Variants in CGNL1 observed in about 807,000 individuals in gnomAD.
CGNL1 encodes cingulin like 1.
Under a neutral mutation model 141.2 loss-of-function variants are expected in CGNL1, and 132 were observed. That is an observed-to-expected ratio of 0.93 (90% confidence interval 0.81 to 1.08). CGNL1 has a LOEUF of 1.08. Among genes scored for constraint, CGNL1 ranks in the 50% least tolerant of loss-of-function variants. The pLI is 0.00. For synonymous variants in CGNL1, 690 were observed against 622.1 expected (o/e 1.11, Z -1.63); for missense variants, 1,870 against 1,588.6 (o/e 1.18, Z -3.01).
At chr15:57,488,109 T>C (rs766210625) in intron 8 of CGNL1, among the ~76,000 whole-genome samples, 4 of 152,192 alleles carry the variant, frequency 2.6e-5, no homozygotes, top group Non-Finnish European at 5.9e-5. Flanking sequence ...GGGTGTGAAA[T>C]GGTATTTCAT....
At chr15:57,448,518 C>A (rs111868435) in intron 4 of CGNL1, among the ~76,000 whole-genome samples, 2 of 151,848 alleles carry the variant, frequency 1.3e-5, no homozygotes. Flanking sequence ...TGTGATGGTG[C>A]GCACCTGTAA....
At position 57,550,343 on chromosome 15, in the gene CGNL1, T is replaced by G. The variant is rs12439292; in HGVS notation, c.*2853T>G. On this transcript the variant is annotated 3_prime_UTR_variant, in exon 19 of 19. Transcript: ENST00000281282. ...TAGTGCCCACGGTCCTTTCCAGGTA[T>G]AACATGCTATCGTTCTTTAATTTTA... The G allele has an allele frequency of 0.17, 25,960 of 152,692 alleles. 2,367 individuals carry two copies. The highest frequency in any genetic ancestry group is 0.21 in the Admixed American group (3,170 of 15,302). 9.5% of individuals were successfully genotyped at this position (152,692 alleles called of 1,614,324 possible). A position where few individuals can be genotyped will look rare whatever the true frequency, so the allele number is the denominator to read the frequency against.
In CGNL1 at chr15:57,528,637, G is replaced by C. The variant is rs1240632318; in HGVS notation, c.3040-17G>C. 2 of 1,613,422 alleles carry C rather than the reference G, an allele frequency of 1.2e-6. No homozygotes were observed. Among genetic ancestry groups the C allele is most frequent in the East Asian group, 2.2e-5 (1 of 44,852 alleles). On this transcript the variant is annotated splice_polypyrimidine_tract_variant and intron_variant, in intron 12 of 18. Transcript: ENST00000281282. The stretch of plus-strand genomic sequence containing the variant: ...TGATGCACCCCAGAAAACCATCCCA[G>C]CTGTCTCTCCTCCTAGATGCGTCTG...
chr15:57,506,917 T>C (rs2064111466), intron 8 of CGNL1, among the ~76,000 whole-genome samples: 1 of 152,258 alleles, frequency 6.6e-6, no homozygotes, highest in Non-Finnish European at 1.5e-5. Flanking sequence ...TGTTTTCTTT[T>C]GTTTTTATTA....
At chr15:57,518,913 GC>G (rs1371420235) in intron 10 of CGNL1, among the ~76,000 whole-genome samples, 1 of 152,224 alleles carries the variant, frequency 6.6e-6, no homozygotes, top group Non-Finnish European at 1.5e-5. Context: ...GTGTGAGAAG[GC>G]CGGCAGGACT....
chr15:57,484,766 T>A (rs1405179015), intron 8 of CGNL1, among the ~76,000 whole-genome samples: 1 of 152,136 alleles, frequency 6.6e-6, no homozygotes, highest in African/African-American at 2.4e-5. Context: ...CCTCCCTGTG[T>A]TCTCATTGTT....
chr15:57,468,348 C>G (rs1051228616), intron 8 of CGNL1, among the ~76,000 whole-genome samples: 9 of 150,876 alleles, frequency 6.0e-5, no homozygotes, highest in African/African-American at 2.2e-4. Flanking sequence ...TCAAGCCATC[C>G]TCCCACCTCA....
chr15:57,540,159 AC>A (rs1301333030), intron 14 of CGNL1, among the ~76,000 whole-genome samples: 40 of 152,144 alleles, frequency 2.6e-4, no homozygotes, highest in African/African-American at 9.4e-4. Flanking sequence ...ACTCTGTGTT[AC>A]TGGTGGTCTG....
chr15:57,378,802 C>A (rs1191002045), intron 1 of CGNL1, among the ~76,000 whole-genome samples: 1 of 152,142 alleles, frequency 6.6e-6, no homozygotes, highest in Admixed American at 6.6e-5. Context: ...TTGAAAAATA[C>A]AAAAATGACA....
intron 8 of CGNL1, among the ~76,000 whole-genome samples, chr15:57,482,851 C>G (rs1330470063): frequency 1.3e-5 from 2 of 151,172 alleles, no homozygotes; most frequent in African/African-American, 4.9e-5. Context: ...ATGGCATGAT[C>G]TCTGCTCACT....
intron 1 of CGNL1, among the ~76,000 whole-genome samples, chr15:57,378,238 G>A (rs2062386023): frequency 6.6e-6 from 1 of 151,926 alleles, no homozygotes; most frequent in Admixed American, 6.6e-5. Flanking sequence ...ATAGTCTCCG[G>A]GGATCTTGGT....
chr15:57,388,660 T>C (rs189043490), intron 1 of CGNL1, among the ~76,000 whole-genome samples: 11 of 152,350 alleles, frequency 7.2e-5, no homozygotes, highest in Non-Finnish European at 1.3e-4. Context: ...CCTGGCAGCC[T>C]TGTGCAGTCC....
intron 8 of CGNL1, among the ~76,000 whole-genome samples, chr15:57,481,429 A>C (rs1433162876): frequency 1.3e-5 from 2 of 152,176 alleles, no homozygotes; most frequent in African/African-American, 4.8e-5. Context: ...TATAGATGGA[A>C]TCATACAGAA....
intron 1 of CGNL1, among the ~76,000 whole-genome samples, chr15:57,384,337 C>T (rs1050690289): frequency 5.3e-5 from 8 of 152,132 alleles, no homozygotes; most frequent in Non-Finnish European, 7.4e-5. Context: ...TGCCTCCAGC[C>T]CCATCCTAGA....
chr15:57,517,646 T>C (rs1009186920), intron 9 of CGNL1, among the ~76,000 whole-genome samples: 5 of 152,138 alleles, frequency 3.3e-5, no homozygotes, highest in Admixed American at 6.5e-5. Context: ...TCCTTCTGTG[T>C]TGAAGTGTGA....
intron 10 of CGNL1, among the ~76,000 whole-genome samples, chr15:57,520,291 T>C (rs2031161691): frequency 6.6e-6 from 1 of 152,242 alleles, no homozygotes; most frequent in Non-Finnish European, 1.5e-5. Flanking sequence ...CTCCTTTTGT[T>C]TGGTTACTCT....
At chr15:57,416,017 C>T (rs1181823161) in intron 1 of CGNL1, among the ~76,000 whole-genome samples, 5 of 152,072 alleles carry the variant, frequency 3.3e-5, no homozygotes, top group Non-Finnish European at 5.9e-5. Flanking sequence ...GAGACTGAAC[C>T]GCTGTCTCTG....
At position 57,451,596 on chromosome 15, in the gene CGNL1, G is replaced by C. The variant is rs780724057; in HGVS notation, c.1900G>C (p.Val634Leu). The change falls in exon 5 of 19, where the codon GTC becomes CTC. Residue 634 changes from valine (V) to leucine (L), a missense_variant. Physicochemically the swap from Val to Leu is conservative, Grantham distance 32. Coordinates refer to ENST00000281282, the MANE Select transcript of CGNL1 (RefSeq NM_032866.5). ...ACTTCAGAGACAGCTTCAACTGGAA[G>C]TCAAGGTATCTGGTTTTTCCTTTAT... ...AELQRQLQLEVKNQQNIKEER... is the reference protein window; with the variant it reads ...AELQRQLQLELKNQQNIKEER... 6.2e-7 allele frequency: 1 copy of C among 1,604,132 alleles called. No homozygotes were observed. The highest frequency in any genetic ancestry group is 8.5e-7 in the Non-Finnish European group (1 of 1,172,846).
chr15:57,540,049 G>C (rs186486612), intron 14 of CGNL1, among the ~76,000 whole-genome samples: 1 of 152,120 alleles, frequency 6.6e-6, no homozygotes, highest in Non-Finnish European at 1.5e-5. Context: ...ACTACTCTCT[G>C]TCTTCCTCTC....
Sources: gnomAD v4.1 joint callset for allele counts (sites outside exome capture counted in the v4.1 genomes callset) on GRCh38, gnomAD v4.1.1 for gene constraint, MANE v1.5 for transcripts, NCBI Gene and HGNC (gene_info 2026-07-23, HGNC 2026-07-21) for gene names.